MARCHF4: variants seen among roughly 807,000 people sequenced by gnomAD.
MARCHF4 encodes E3 ubiquitin-protein ligase MARCHF4.
In MARCHF4, 14 loss-of-function variants were observed where a neutral mutation model predicts 43.9. The observed-to-expected ratio is 0.32, with a 90% CI of 0.21 to 0.50. The LOEUF (loss-of-function observed/expected upper bound fraction) is 0.50. Ranked by LOEUF, MARCHF4 falls within the 20% of genes least tolerant of loss-of-function variation. The pLI is 0.98. For missense variants in MARCHF4, 468 were observed against 536.7 expected (o/e 0.87, Z 1.27); for synonymous variants, 226 against 213.3 (o/e 1.06, Z -0.52).
chr2:216,357,396 C>T (rs1390234111), intron 1 of MARCHF4, among the ~76,000 whole-genome samples: 4 of 152,170 alleles, frequency 2.6e-5, no homozygotes, highest in Non-Finnish European at 5.9e-5. Context: ...ATCATGGCTC[C>T]CTGCAGCCTC....
intron 1 of MARCHF4, among the ~76,000 whole-genome samples, chr2:216,323,987 C>G (rs1691947210): frequency 6.6e-6 from 1 of 151,966 alleles, no homozygotes; most frequent in African/African-American, 2.4e-5. Context: ...AGGAAATAGA[C>G]ACACAAAAAA....
At chr2:216,330,146 A>G (rs935132244) in intron 1 of MARCHF4, among the ~76,000 whole-genome samples, 2 of 152,250 alleles carry the variant, frequency 1.3e-5, no homozygotes, top group African/African-American at 4.8e-5. Flanking sequence ...CTGTGTAGCT[A>G]TACTGATACC....
chr2:216,327,347 A>AC (rs913922462), intron 1 of MARCHF4, among the ~76,000 whole-genome samples: 28 of 151,260 alleles, frequency 1.9e-4, no homozygotes, highest in Admixed American at 1.5e-3. Context: ...AAAAATCTTC[A>AC]CCCCCCCACC....
chr2:216,310,726 A>G (rs1691672773), intron 1 of MARCHF4, among the ~76,000 whole-genome samples: 1 of 152,006 alleles, frequency 6.6e-6, no homozygotes, highest in African/African-American at 2.4e-5. Flanking sequence ...TATTCCAGCT[A>G]CTCTTCATGT....
chr2:216,362,091 C>G (rs771690439), intron 1 of MARCHF4, among the ~76,000 whole-genome samples: 6 of 152,184 alleles, frequency 3.9e-5, no homozygotes, highest in Non-Finnish European at 7.3e-5. Flanking sequence ...GACTTCAAAG[C>G]CCATGTTCTT....
At chr2:216,279,076 G>A (rs555119112) in intron 2 of MARCHF4, among the ~76,000 whole-genome samples, 2 of 152,326 alleles carry the variant, frequency 1.3e-5, no homozygotes, top group Admixed American at 6.5e-5. Flanking sequence ...ATAATTATTC[G>A]AACCTGCAAT....
chr2:216,265,035 A>G (rs1370704), intron 3 of MARCHF4, among the ~76,000 whole-genome samples: 88 of 152,116 alleles, frequency 5.8e-4, no homozygotes, highest in Non-Finnish European at 1.1e-3. Flanking sequence ...GGCTCATCTG[A>G]TAGGAGCAGG....
At chr2:216,357,874 C>T (rs1296558611) in intron 1 of MARCHF4, among the ~76,000 whole-genome samples, 2 of 152,136 alleles carry the variant, frequency 1.3e-5, no homozygotes, top group African/African-American at 2.4e-5. Context: ...TATTTAGCTA[C>T]AGGCAATGGT....
Position 216,259,081 on chromosome 2 carries a change from T to G in MARCHF4, c.*231A>C. The G allele has an allele frequency of 9.1e-6, 4 of 438,816 alleles. No individual in the cohort carries two copies. The highest frequency in any genetic ancestry group is 1.2e-5 in the Non-Finnish European group (3 of 255,162). The allele number at this position is 438,816 out of a possible 1,614,324, so 27.2% of individuals were successfully genotyped here. On this transcript the variant is annotated 3_prime_UTR_variant, in exon 4 of 4. Transcript: ENST00000273067. The stretch of plus-strand genomic sequence containing the variant: ...TTCAGCCTGTATTGCACTTTGTTGT[T>G]GAGTTGGTGTTGGTTTTCATTGTTG...
intron 1 of MARCHF4, among the ~76,000 whole-genome samples, chr2:216,303,081 G>A (rs1347824701): frequency 6.6e-6 from 1 of 151,978 alleles, no homozygotes; most frequent in Non-Finnish European, 1.5e-5. Context: ...AAAACATCCT[G>A]GTTTAAGCTC....
At chr2:216,291,145 T>C (rs1226531001) in intron 1 of MARCHF4, among the ~76,000 whole-genome samples, 1 of 151,518 alleles carries the variant, frequency 6.6e-6, no homozygotes, top group Non-Finnish European at 1.5e-5. Flanking sequence ...TGTTTAGAGG[T>C]CAGGAGATGT....
intron 1 of MARCHF4, among the ~76,000 whole-genome samples, chr2:216,315,643 C>T (rs1024395164): frequency 6.6e-6 from 1 of 152,148 alleles, no homozygotes; most frequent in Non-Finnish European, 1.5e-5. Context: ...GCTTACAAAA[C>T]AGCACTTTCA....
At chr2:216,291,530 A>C (rs1234731629) in intron 1 of MARCHF4, among the ~76,000 whole-genome samples, 1 of 152,128 alleles carries the variant, frequency 6.6e-6, no homozygotes, top group East Asian at 1.9e-4. Flanking sequence ...TCATCTGTGA[A>C]ACTGAGGGAG....
chr2:216,259,510 G>T lies in MARCHF4; in HGVS notation c.1035C>A (p.Pro345=). ...RTSSSTQANI[P]SSEEETAGTP... is the part of the protein sequence containing the mutation. Reference sequence around the variant, plus strand: ...TGCCTGCGGTCTCCTCTTCCGAGGAGGGGATATTGGCCTGGGTGGATGAGG... The same window carrying T: ...TGCCTGCGGTCTCCTCTTCCGAGGATGGGATATTGGCCTGGGTGGATGAGG... The change falls in exon 4 of 4, where the codon CCC becomes CCA. Residue 345 remains proline (P), a synonymous_variant. Coordinates refer to ENST00000273067, the MANE Select transcript of MARCHF4 (RefSeq NM_020814.3). 6.2e-7 allele frequency: 1 copy of T among 1,614,212 alleles called. No homozygotes were observed. The highest frequency in any genetic ancestry group is 1.7e-4 in the Middle Eastern group (1 of 6,060).
At position 216,258,636 on chromosome 2, in the gene MARCHF4, C is replaced by T. The variant is rs1395415702; in HGVS notation, c.*676G>A. ...TTCCAAACCTAAGCCCTCTTTTAGC[C>T]CACCTGAAATCGGGAGTTCCATTTG... On this transcript the variant is annotated 3_prime_UTR_variant, in exon 4 of 4. Transcript: ENST00000273067. The T allele has an allele frequency of 6.6e-6, 1 of 152,430 alleles. No homozygotes were observed. Among genetic ancestry groups the T allele is most frequent in the Non-Finnish European group, 1.5e-5 (1 of 68,072 alleles). The allele number at this position is 152,430 out of a possible 1,614,324, so 9.4% of individuals were successfully genotyped here.
chr2:216,279,562 G>A (rs1691092617), intron 2 of MARCHF4, among the ~76,000 whole-genome samples: 1 of 152,208 alleles, frequency 6.6e-6, no homozygotes, highest in Non-Finnish European at 1.5e-5. Context: ...CTGAGGAAAG[G>A]CAGACTACTT....
At position 216,283,721 on chromosome 2, in the gene MARCHF4, C is replaced by T. The variant is rs148505326; in HGVS notation, c.525G>A (p.Leu175=). 4.6e-5 allele frequency: 73 copies of T among 1,602,652 alleles called. No individual in the cohort carries two copies. Among genetic ancestry groups the T allele is most frequent in the Non-Finnish European group, 5.8e-5 (68 of 1,171,178 alleles). ...AGCCATCACAGCGGCATGGGCTCAG[C>T]AGCTCCCCCTGCAGGGAGAGAGCAC... ...ICFQGPEQGE[L]LSPCRCDGSV... is the part of the protein sequence containing the mutation. The change falls in exon 2 of 4, where the codon CTG becomes CTA. Residue 175 remains leucine, a synonymous_variant. Coordinates refer to ENST00000273067, the MANE Select transcript of MARCHF4 (RefSeq NM_020814.3).
intron 2 of MARCHF4, among the ~76,000 whole-genome samples, chr2:216,282,701 G>A (rs1408245580): frequency 6.6e-6 from 1 of 152,208 alleles, no homozygotes; most frequent in East Asian, 1.9e-4. Context: ...CTCCCCTGGG[G>A]ACAATGGATG....
chr2:216,264,740 C>T (rs546446505), intron 3 of MARCHF4, among the ~76,000 whole-genome samples: 73 of 152,292 alleles, frequency 4.8e-4, no homozygotes, highest in Non-Finnish European at 8.5e-4. Flanking sequence ...GCAATTTTGT[C>T]CTGATTGAAG....
Sources: gnomAD v4.1 joint callset for allele counts (sites outside exome capture counted in the v4.1 genomes callset) on GRCh38, gnomAD v4.1.1 for gene constraint, MANE v1.5 for transcripts, NCBI Gene and HGNC (gene_info 2026-07-23, HGNC 2026-07-21) for gene names.